Variants in FMN1 observed in about 807,000 individuals in gnomAD.
FMN1 encodes formin-1.
FMN1 carries 110 observed loss-of-function variants against 132.4 expected under a neutral mutation model. That is an observed-to-expected ratio of 0.83 (90% CI 0.71 to 0.97). The LOEUF is 0.97. FMN1 is among the 50% of genes least tolerant of loss of function. The pLI is 0.00. For synonymous variants in FMN1, 722 were observed against 651.7 expected (o/e 1.11, Z -1.64); for missense variants, 1,792 against 1,705.3 (o/e 1.05, Z -0.90).
chr15:32,820,932 A>G (rs1345624185), intron 17 of FMN1, among the ~76,000 whole-genome samples: 2 of 152,036 alleles, frequency 1.3e-5, no homozygotes, highest in Non-Finnish European at 1.5e-5. Flanking sequence ...TGCTGATTAA[A>G]TCATTTGCAA....
intron 6 of FMN1, among the ~76,000 whole-genome samples, chr15:33,029,058 T>C (rs753252520): frequency 6.6e-6 from 1 of 152,206 alleles, no homozygotes; most frequent in Non-Finnish European, 1.5e-5. Flanking sequence ...AAATTGAAGC[T>C]GATTTGAAGA....
intron 5 of FMN1, chr15:33,066,980 T>TC: frequency 6.2e-7 from 1 of 1,613,938 alleles, no homozygotes; most frequent in South Asian, 1.1e-5. Context: ...TAAGTCCCCA[T>TC]CCTTTGGTTT....
intron 17 of FMN1, among the ~76,000 whole-genome samples, chr15:32,832,816 G>A (rs1484896295): frequency 6.6e-6 from 1 of 152,068 alleles, no homozygotes; most frequent in Non-Finnish European, 1.5e-5. Flanking sequence ...ATAATCCAAG[G>A]CCTGATGATA....
chr15:33,109,736 G>T (rs1297721844), intron 4 of FMN1, among the ~76,000 whole-genome samples: 1 of 151,818 alleles, frequency 6.6e-6, no homozygotes, highest in East Asian at 1.9e-4. Context: ...ATTCGATACT[G>T]GGCCTAATAC....
chr15:32,788,670 T>C (rs2056962596), intron 19 of FMN1, among the ~76,000 whole-genome samples: 1 of 152,206 alleles, frequency 6.6e-6, no homozygotes, highest in Non-Finnish European at 1.5e-5. Context: ...AGAAATATTC[T>C]AGGCTGAATG....
chr15:32,789,634 A>G (rs1018400198), intron 19 of FMN1, among the ~76,000 whole-genome samples: 2 of 152,182 alleles, frequency 1.3e-5, no homozygotes, highest in Non-Finnish European at 2.9e-5. Flanking sequence ...GCCTAAATGT[A>G]CAGTGTTTAT....
At chr15:32,847,509 G>C (rs1223609042) in intron 17 of FMN1, among the ~76,000 whole-genome samples, 1 of 151,946 alleles carries the variant, frequency 6.6e-6, no homozygotes. Context: ...GGGGTGGGTG[G>C]ATCACTTGAG....
At chr15:32,870,804 A>G (rs760074642) in intron 16 of FMN1, among the ~76,000 whole-genome samples, 1 of 152,182 alleles carries the variant, frequency 6.6e-6, no homozygotes, top group Non-Finnish European at 1.5e-5. Flanking sequence ...CATCCCTTTC[A>G]CTGGTCCCCA....
intron 10 of FMN1, among the ~76,000 whole-genome samples, chr15:32,914,051 C>T (rs1234896004): frequency 6.6e-6 from 1 of 152,170 alleles, no homozygotes. Context: ...CATAATTGTG[C>T]CCCCAACTCA....
chr15:32,942,050 C>A (rs945529853), intron 9 of FMN1, among the ~76,000 whole-genome samples: 17 of 152,120 alleles, frequency 1.1e-4, no homozygotes, highest in African/African-American at 3.9e-4. Context: ...TGCGTTAAAC[C>A]CTATTAGACA....
At chr15:32,874,832 G>A (rs530626907) in intron 16 of FMN1, among the ~76,000 whole-genome samples, 25 of 110,892 alleles carry the variant, frequency 2.3e-4, no homozygotes, top group Non-Finnish European at 3.5e-4. Context: ...GATCTGTCTC[G>A]TATTCTGTAG....
intron 15 of FMN1, among the ~76,000 whole-genome samples, chr15:32,888,791 A>T (rs1293980464): frequency 6.6e-6 from 1 of 152,114 alleles, no homozygotes; most frequent in African/African-American, 2.4e-5. Flanking sequence ...TCTGTGGCTT[A>T]AAGCTCTTCT....
intron 16 of FMN1, among the ~76,000 whole-genome samples, chr15:32,871,579 A>G (rs889942436): frequency 3.3e-5 from 5 of 152,196 alleles, no homozygotes; most frequent in African/African-American, 1.2e-4. Context: ...GTGTCCATAC[A>G]AACTTATTCT....
At chr15:32,793,657 AT>A (rs1453940963) in intron 19 of FMN1, among the ~76,000 whole-genome samples, 4 of 152,222 alleles carry the variant, frequency 2.6e-5, no homozygotes, top group Non-Finnish European at 5.9e-5. Flanking sequence ...GCACAGAACC[AT>A]TTTCAAATGT....
chr15:32,788,399 G>A (rs528185120), intron 19 of FMN1, among the ~76,000 whole-genome samples: 6 of 152,262 alleles, frequency 3.9e-5, no homozygotes, highest in African/African-American at 1.4e-4. Context: ...TTCCAATCCC[G>A]ATAATGAAGA....
At chr15:32,848,356 G>A (rs948470826) in intron 17 of FMN1, among the ~76,000 whole-genome samples, 2 of 63,808 alleles carry the variant, frequency 3.1e-5, no homozygotes, top group Non-Finnish European at 8.4e-5. Context: ...GCGTGCACAC[G>A]TGTGTGTGTA....
chr15:33,108,225 T>C (rs1445945395), intron 4 of FMN1, among the ~76,000 whole-genome samples: 1 of 152,048 alleles, frequency 6.6e-6, no homozygotes, highest in Non-Finnish European at 1.5e-5. Flanking sequence ...GGCATCTTCA[T>C]TGGCTTAACT....
chr15:33,108,570 GAAGA>G (rs2039575167), intron 4 of FMN1, among the ~76,000 whole-genome samples: 2 of 152,074 alleles, frequency 1.3e-5, no homozygotes, highest in African/African-American at 4.8e-5. Context: ...GAGAAAAAAA[GAAGA>G]AAGTTAAAGG....
intron 4 of FMN1, among the ~76,000 whole-genome samples, chr15:33,107,316 C>T (rs906431120): frequency 1.3e-5 from 2 of 152,030 alleles, no homozygotes; most frequent in South Asian, 2.1e-4. Context: ...TTCTTCCACT[C>T]GTGCCTAGAC....
Sources: gnomAD v4.1 joint callset for allele counts (sites outside exome capture counted in the v4.1 genomes callset) on GRCh38, gnomAD v4.1.1 for gene constraint, MANE v1.5 for transcripts, NCBI Gene and HGNC (gene_info 2026-07-23, HGNC 2026-07-21) for gene names.